Variants in TENM4 observed in about 807,000 individuals in gnomAD.
TENM4 encodes teneurin transmembrane protein 4, also known as teneurin-4.
In TENM4, 82 loss-of-function variants were observed where a neutral mutation model predicts 243.3. The observed-to-expected ratio is 0.34, with a 90% confidence interval of 0.28 to 0.40. The LOEUF (loss-of-function observed/expected upper bound fraction) is 0.40. TENM4 is among the 10% of genes least tolerant of loss of function. The pLI is 1.00. For missense variants in TENM4, 3,138 were observed against 3,673.3 expected (o/e 0.85, Z 3.77); for synonymous variants, 1,412 against 1,456.3 (o/e 0.97, Z 0.69).
intron 2 of TENM4, among the ~76,000 whole-genome samples, chr11:79,234,493 C>A (rs1456351608): frequency 6.6e-6 from 1 of 152,186 alleles, no homozygotes; most frequent in Non-Finnish European, 1.5e-5. Context: ...TCACAAAGGC[C>A]TGTTAACCTC....
chr11:78,798,110 C>T (rs1857198220), intron 15 of TENM4, among the ~76,000 whole-genome samples: 1 of 152,226 alleles, frequency 6.6e-6, no homozygotes, highest in African/African-American at 2.4e-5. Context: ...GCATCTCACT[C>T]AGTCTTTCTG....
chr11:78,910,530 C>G (rs186701511), intron 6 of TENM4, among the ~76,000 whole-genome samples: 1 of 152,210 alleles, frequency 6.6e-6, no homozygotes, highest in Non-Finnish European at 1.5e-5. Context: ...GCCTGACTTC[C>G]AGTCTCAGTT....
chr11:79,194,478 A>G lies in TENM4; in HGVS notation c.-163+21330T>C, dbSNP rs150145143. Among the ~76,000 whole-genome samples the G allele has an allele frequency of 7.8e-3, 1,184 of 152,228 alleles. 13 individuals carry two copies. Among genetic ancestry groups the G allele is most frequent in the African/African-American group, 0.024 (981 of 41,532 alleles). The stretch of plus-strand genomic sequence containing the variant: ...CTTTGACAAAAATGCTGATAGTGAT[A>G]TGATCAATAAGGTCCAGGCTGAGGT... On this transcript the variant is annotated intron_variant, in intron 3 of 33. Coordinates refer to ENST00000278550, the MANE Select transcript of TENM4 (RefSeq NM_001098816.3).
At chr11:79,338,048 T>C (rs1857176507) in intron 1 of TENM4, among the ~76,000 whole-genome samples, 1 of 152,202 alleles carries the variant, frequency 6.6e-6, no homozygotes, top group Non-Finnish European at 1.5e-5. Context: ...GATGACTGCT[T>C]CTCAACTGTC....
chr11:78,864,244 G>A (rs951006983), intron 9 of TENM4, among the ~76,000 whole-genome samples: 1 of 151,880 alleles, frequency 6.6e-6, no homozygotes, highest in Admixed American at 6.6e-5. Context: ...TGTGCCATGT[G>A]CATATATTTC....
chr11:79,134,598 A>G (rs977068125), intron 4 of TENM4, among the ~76,000 whole-genome samples: 1 of 152,196 alleles, frequency 6.6e-6, no homozygotes, highest in Non-Finnish European at 1.5e-5. Flanking sequence ...TTCAAACTAT[A>G]TTATAAGGCC....
chr11:79,201,565 C>T (rs1353138341), intron 3 of TENM4, among the ~76,000 whole-genome samples: 1 of 152,004 alleles, frequency 6.6e-6, no homozygotes, highest in African/African-American at 2.4e-5. Context: ...TATTGGGTAC[C>T]TACCATAAGT....
At position 78,669,042 on chromosome 11, in the gene TENM4, G is replaced by A. The variant is rs745864308; in HGVS notation, c.7303C>T (p.Leu2435=). The A allele has an allele frequency of 1.9e-6, 3 of 1,613,854 alleles. No individual in the cohort carries two copies. The highest frequency in any genetic ancestry group is 2.2e-5 in the South Asian group (2 of 91,078). The change falls in exon 32 of 34, where the codon CTG becomes TTG. Residue 2435 remains leucine (L), a synonymous_variant. Transcript: ENST00000278550. This position sits in a 1 kb window ranked among gnomAD's most constrained non-coding sequence, Gnocchi z 6.4. ...AGRWTSPDHE[L]WKHLSSSNVM... is the part of the protein sequence containing the mutation. ...TTGCTGCTACTAAGGTGCTTCCACA[G>A]CTCGTGGTCTGGGCTAGTCCAGCGT...
At chr11:78,946,984 G>A (rs59663148) in intron 6 of TENM4, among the ~76,000 whole-genome samples, 12,636 of 152,196 alleles carry the variant, frequency 0.083, 967 homozygotes, top group East Asian at 0.22. Flanking sequence ...TGAAATGACT[G>A]CAAAGAATTT....
chr11:79,166,840 G>A (rs767900036), intron 3 of TENM4, among the ~76,000 whole-genome samples: 1 of 152,148 alleles, frequency 6.6e-6, no homozygotes, highest in Non-Finnish European at 1.5e-5. Flanking sequence ...GCACTAGGAA[G>A]TTCCAAACAG....
intron 3 of TENM4, among the ~76,000 whole-genome samples, chr11:79,155,357 T>C (rs76664656): frequency 4.4e-4 from 64 of 145,712 alleles, no homozygotes; most frequent in African/African-American, 7.1e-4. Flanking sequence ...CTCTCTCTCT[T>C]TTTTTTTTTT....
chr11:79,366,192 A>G (rs7947534), intron 1 of TENM4, among the ~76,000 whole-genome samples: 82,005 of 152,064 alleles, frequency 0.54, 22,617 homozygotes, highest in African/African-American at 0.66. Context: ...TGCTGTGAAA[A>G]GGTTTCCACC....
chr11:79,045,533 C>T (rs1034127520), intron 6 of TENM4, among the ~76,000 whole-genome samples: 8 of 152,160 alleles, frequency 5.3e-5, no homozygotes, highest in Non-Finnish European at 1.0e-4. Context: ...AAGAGACATG[C>T]ACCCCACCCC....
chr11:79,387,131 T>C (rs1160678028), intron 1 of TENM4, among the ~76,000 whole-genome samples: 1 of 152,092 alleles, frequency 6.6e-6, no homozygotes, highest in Non-Finnish European at 1.5e-5. Flanking sequence ...CAATGTTGAG[T>C]AAAAGGAGCA....
chr11:79,295,236 A>ACTGAGTTT (rs1209897371), intron 2 of TENM4, among the ~76,000 whole-genome samples: 15 of 152,138 alleles, frequency 9.9e-5, no homozygotes, highest in African/African-American at 3.6e-4. Context: ...GTCACTGAGC[A>ACTGAGTTT]CCTGGCTCTT....
chr11:79,362,759 T>C (rs577938952), intron 1 of TENM4, among the ~76,000 whole-genome samples: 3 of 152,352 alleles, frequency 2.0e-5, no homozygotes, highest in East Asian at 3.9e-4. Context: ...TCTGAACCTG[T>C]TCTTTCACCA....
intron 3 of TENM4, among the ~76,000 whole-genome samples, chr11:79,196,830 T>A (rs1863637873): frequency 6.6e-6 from 1 of 152,158 alleles, no homozygotes; most frequent in Admixed American, 6.5e-5. Flanking sequence ...GTGACAGGCC[T>A]GAGAGCCCAC....
At chr11:79,014,303 C>A (rs924164508) in intron 6 of TENM4, among the ~76,000 whole-genome samples, 1 of 152,200 alleles carries the variant, frequency 6.6e-6, no homozygotes, top group Non-Finnish European at 1.5e-5. Context: ...TCTTCCTCCC[C>A]ACACCTCCCT....
At chr11:79,121,491 A>T (rs1316890602) in intron 4 of TENM4, among the ~76,000 whole-genome samples, 5 of 152,184 alleles carry the variant, frequency 3.3e-5, no homozygotes, top group Non-Finnish European at 5.9e-5. Context: ...TTCCCAGCCA[A>T]GTAGCTTTAT....
Sources: allele counts gnomAD v4.1 joint callset (sites outside exome capture counted in the v4.1 genomes callset), GRCh38; gene constraint gnomAD v4.1.1; non-coding constraint Gnocchi (gnomAD v3.1); transcripts MANE v1.5; gene names NCBI Gene and HGNC (gene_info 2026-07-23, HGNC 2026-07-21).